EXT1: variants seen among roughly 807,000 people sequenced by gnomAD.
The protein encoded by EXT1 is exostosin glycosyltransferase 1.
EXT1 carries 20 observed loss-of-function variants against 82.5 expected under a neutral mutation model. That is an observed-to-expected ratio of 0.24 (90% CI 0.17 to 0.35). The LOEUF (loss-of-function observed/expected upper bound fraction) is 0.35, where lower values mean the gene tolerates loss of function less well. Ranked by LOEUF, EXT1 falls within the 10% of genes least tolerant of loss-of-function variation. The pLI is 1.00. For synonymous variants in EXT1, 348 were observed against 350.8 expected, an observed-to-expected ratio of 0.99 and a Z score of 0.09; for missense variants, 757 against 936.5, an observed-to-expected ratio of 0.81 and a Z score of 2.50.
intron 1 of EXT1, among the ~76,000 whole-genome samples, chr8:118,089,388 G>A (rs1248626937): frequency 6.6e-6 from 1 of 152,138 alleles, no homozygotes; most frequent in East Asian, 1.9e-4. Flanking sequence ...AACAGAATGA[G>A]GGAAAGATCT....
chr8:118,111,555 G>C lies in EXT1; in HGVS notation c.-509C>G, dbSNP rs78824154. ...AGCCGATCCCGGGTTCAGCCGGCTA[G>C]TGCATCTTGCAGCTGGGGCGCCGTA... On this transcript the variant is annotated 5_prime_UTR_variant, in exon 1 of 11. Coordinates refer to ENST00000378204, the MANE Select transcript of EXT1 (RefSeq NM_000127.3). 2,646 of 437,474 alleles carry C rather than the reference G, an allele frequency of 6.0e-3. 44 individuals carry two copies. Among genetic ancestry groups the C allele is most frequent in the African/African-American group, 0.048 (2,401 of 49,664 alleles). 27.1% of individuals were successfully genotyped at this position (437,474 alleles called of 1,614,324 possible).
chr8:117,805,978 G>A (rs1823230742), intron 9 of EXT1, among the ~76,000 whole-genome samples: 1 of 152,160 alleles, frequency 6.6e-6, no homozygotes, highest in South Asian at 2.1e-4. Flanking sequence ...TGTTCCATCT[G>A]TAGTTTTCCT....
chr8:117,809,921 T>C lies in EXT1; in HGVS notation c.1723-2544A>G, dbSNP rs143439435. 1.4e-3 allele frequency among the ~76,000 whole-genome samples: 215 copies of C among 152,336 alleles called. 1 individual carries two copies. In the East Asian group the frequency reaches 0.038, roughly 27 times the overall value. ...TATCATTCTTTGAAAAGGAAACACA[T>C]GCACTAGCAACTACTACAGAACCCA... On this transcript the variant is annotated intron_variant, in intron 8 of 10. Coordinates refer to ENST00000378204, the MANE Select transcript of EXT1 (RefSeq NM_000127.3).
intron 1 of EXT1, among the ~76,000 whole-genome samples, chr8:117,874,575 C>CAAAAAAAAAAAAA (rs61249983): frequency 8.5e-4 from 59 of 69,702 alleles, no homozygotes; most frequent in African/African-American, 1.2e-3. Flanking sequence ...GACTCTGCCT[C>CAAAAAAAAAAAAA]AAAAAAAAAA....
chr8:117,857,207 A>G (rs1812579832), intron 1 of EXT1, among the ~76,000 whole-genome samples: 1 of 152,178 alleles, frequency 6.6e-6, no homozygotes, highest in African/African-American at 2.4e-5. Flanking sequence ...GTGTAAGATT[A>G]ATGTTGTTTT....
At chr8:118,063,309 C>G (rs1816915422) in intron 1 of EXT1, among the ~76,000 whole-genome samples, 1 of 152,174 alleles carries the variant, frequency 6.6e-6, no homozygotes, top group Non-Finnish European at 1.5e-5. Context: ...TATCACAAAC[C>G]CGTATTTTCC....
chr8:118,051,433 C>T (rs1024442298), intron 1 of EXT1, among the ~76,000 whole-genome samples: 1 of 152,130 alleles, frequency 6.6e-6, no homozygotes, highest in African/African-American at 2.4e-5. Context: ...TATAAAACAT[C>T]CTATAAATTC....
chr8:117,814,326 A>G (rs1319709999), intron 7 of EXT1, among the ~76,000 whole-genome samples: 1 of 151,798 alleles, frequency 6.6e-6, no homozygotes, highest in Non-Finnish European at 1.5e-5. Flanking sequence ...TTACCCTGTG[A>G]TAGTCACAAC....
intron 8 of EXT1, among the ~76,000 whole-genome samples, chr8:117,807,699 G>T (rs1460005275): frequency 1.3e-5 from 2 of 152,028 alleles, no homozygotes; most frequent in African/African-American, 4.8e-5. Flanking sequence ...TTCCTCAAAG[G>T]TGCACGTGCC....
At chr8:118,083,293 A>G (rs953193345) in intron 1 of EXT1, among the ~76,000 whole-genome samples, 1 of 152,248 alleles carries the variant, frequency 6.6e-6, no homozygotes, top group Non-Finnish European at 1.5e-5. Flanking sequence ...AATAATCTAC[A>G]GAACAGTAAT....
intron 1 of EXT1, among the ~76,000 whole-genome samples, chr8:117,951,657 T>A (rs1814494223): frequency 6.6e-6 from 1 of 152,198 alleles, no homozygotes; most frequent in Admixed American, 6.5e-5. Flanking sequence ...CTACTCTTGA[T>A]TTAGAAATTA....
chr8:117,807,473 G>C, intron 8 of EXT1, 96 bp from the exon 9 acceptor site: 1 of 1,382,996 alleles, frequency 7.2e-7, no homozygotes, highest in Non-Finnish European at 1.0e-6. Context: ...TGCAAAATCC[G>C]GGGACTGTGG....
intron 7 of EXT1, among the ~76,000 whole-genome samples, chr8:117,816,207 G>A (rs1392398360): frequency 6.6e-6 from 1 of 151,944 alleles, no homozygotes; most frequent in Admixed American, 6.6e-5. Context: ...TTGAAAGGGG[G>A]CATCGAGACA....
chr8:117,907,677 T>C (rs1813567873), intron 1 of EXT1, among the ~76,000 whole-genome samples: 1 of 152,200 alleles, frequency 6.6e-6, no homozygotes, highest in Non-Finnish European at 1.5e-5. Context: ...ATATATGAAT[T>C]CATAAATTAT....
chr8:117,917,716 C>T (rs1375736949), intron 1 of EXT1, among the ~76,000 whole-genome samples: 1 of 152,152 alleles, frequency 6.6e-6, no homozygotes, highest in African/African-American at 2.4e-5. Flanking sequence ...ATGGTCTCCA[C>T]TGTAGAGAAG....
At chr8:117,844,763 T>C (rs1389466493) in intron 1 of EXT1, among the ~76,000 whole-genome samples, 1 of 152,104 alleles carries the variant, frequency 6.6e-6, no homozygotes, top group Non-Finnish European at 1.5e-5. Context: ...GCTATGCAAA[T>C]GTGCAGTGCT....
At chr8:117,892,722 G>T (rs543331926) in intron 1 of EXT1, among the ~76,000 whole-genome samples, 1 of 152,336 alleles carries the variant, frequency 6.6e-6, no homozygotes, top group Non-Finnish European at 1.5e-5. Flanking sequence ...CCGGTGAGAG[G>T]TAACTGTGGC....
chr8:117,929,838 T>C (rs1011637902), intron 1 of EXT1, among the ~76,000 whole-genome samples: 15 of 152,336 alleles, frequency 9.8e-5, no homozygotes, highest in Middle Eastern at 3.4e-3. Context: ...CCAGGCGTGG[T>C]GCCTCACACC....
chr8:117,822,002 A>G (rs1403598244), intron 5 of EXT1, among the ~76,000 whole-genome samples: 2 of 152,204 alleles, frequency 1.3e-5, no homozygotes, highest in Non-Finnish European at 2.9e-5. Flanking sequence ...GAGCATAATA[A>G]ACCTTGGAAA....
Sources: gnomAD v4.1 joint callset for allele counts (sites outside exome capture counted in the v4.1 genomes callset) on GRCh38, gnomAD v4.1.1 for gene constraint, MANE v1.5 for transcripts, NCBI Gene and HGNC (gene_info 2026-07-23, HGNC 2026-07-21) for gene names.